HCN1: variants seen among roughly 807,000 people sequenced by gnomAD.
HCN1 encodes hyperpolarization activated cyclic nucleotide gated potassium channel 1, also known as potassium/sodium hyperpolarization-activated cyclic nucleotide-gated channel 1.
A neutral mutation model predicts 78.9 loss-of-function variants in HCN1; 13 were observed. That is an observed-to-expected ratio of 0.16 (90% CI 0.11 to 0.26). The LOEUF (loss-of-function observed/expected upper bound fraction) is 0.26. HCN1 is among the 10% of genes least tolerant of loss of function. HCN1 has a pLI of 1.00. For missense variants in HCN1, 810 were observed against 1,154.3 expected, an observed-to-expected ratio of 0.70 and a Z score of 4.32; for synonymous variants, 552 against 455.5, an observed-to-expected ratio of 1.21 and a Z score of -2.70.
At chr5:45,488,272 T>A (rs1741809566) in intron 2 of HCN1, among the ~76,000 whole-genome samples, 1 of 152,174 alleles carries the variant, frequency 6.6e-6, no homozygotes, top group Non-Finnish European at 1.5e-5. Flanking sequence ...TTATGTAATT[T>A]ACTTTTGATT....
intron 1 of HCN1, among the ~76,000 whole-genome samples, chr5:45,651,591 C>G (rs1745677024): frequency 6.6e-6 from 1 of 151,908 alleles, no homozygotes; most frequent in African/African-American, 2.4e-5. Context: ...AAAACTGATT[C>G]AATTTTTAAA....
chr5:45,631,620 G>T (rs1000626684), intron 2 of HCN1, among the ~76,000 whole-genome samples: 1 of 152,046 alleles, frequency 6.6e-6, no homozygotes, highest in African/African-American at 2.4e-5. Flanking sequence ...ACATACTGGA[G>T]CATGTGGATC....
At chr5:45,536,622 A>G (rs941473724) in intron 2 of HCN1, among the ~76,000 whole-genome samples, 7 of 152,090 alleles carry the variant, frequency 4.6e-5, no homozygotes, top group Non-Finnish European at 8.8e-5. Context: ...TCACTTCTCT[A>G]ACATTCTTGT....
intron 3 of HCN1, among the ~76,000 whole-genome samples, chr5:45,400,394 CTT>C (rs541820226): frequency 2.1e-3 from 241 of 112,970 alleles, no homozygotes; most frequent in African/African-American, 7.9e-3. Flanking sequence ...ATTAAAAATG[CTT>C]TTTTTTTTTT....
At chr5:45,278,203 T>G (rs1745101681) in intron 6 of HCN1, among the ~76,000 whole-genome samples, 1 of 152,126 alleles carries the variant, frequency 6.6e-6, no homozygotes, top group Non-Finnish European at 1.5e-5. Context: ...GTTAAGAGCC[T>G]CTACCTTTTC....
intron 2 of HCN1, among the ~76,000 whole-genome samples, chr5:45,525,947 G>T (rs1039820942): frequency 6.6e-6 from 1 of 151,932 alleles, no homozygotes; most frequent in African/African-American, 2.4e-5. Flanking sequence ...TATAAGAAAA[G>T]AAGGAGAGCT....
intron 4 of HCN1, among the ~76,000 whole-genome samples, chr5:45,372,737 A>G (rs1277754717): frequency 7.0e-6 from 1 of 143,304 alleles, no homozygotes; most frequent in Non-Finnish European, 1.5e-5. Flanking sequence ...GTATTTATAT[A>G]AAAATATATA....
intron 2 of HCN1, among the ~76,000 whole-genome samples, chr5:45,593,943 T>G (rs1744437049): frequency 6.6e-6 from 1 of 152,126 alleles, no homozygotes; most frequent in South Asian, 2.1e-4. Context: ...CCCAAAGTGC[T>G]GGGATTACAG....
chr5:45,627,950 T>C (rs1745199670), intron 2 of HCN1, among the ~76,000 whole-genome samples: 1 of 152,224 alleles, frequency 6.6e-6, no homozygotes, highest in South Asian at 2.1e-4. Flanking sequence ...CTTAGTTTCT[T>C]TGTGAAATTT....
At chr5:45,417,215 T>C (rs1740135879) in intron 3 of HCN1, among the ~76,000 whole-genome samples, 1 of 152,012 alleles carries the variant, frequency 6.6e-6, no homozygotes, top group Non-Finnish European at 1.5e-5. Context: ...GTTGACATTT[T>C]TTTTGTCTCT....
intron 3 of HCN1, among the ~76,000 whole-genome samples, chr5:45,460,860 T>A (rs2111624278): frequency 6.6e-6 from 1 of 151,594 alleles, no homozygotes. Flanking sequence ...TAATCTTTGG[T>A]GTCCATGTAA....
intron 5 of HCN1, among the ~76,000 whole-genome samples, chr5:45,314,949 C>T (rs1182294896): frequency 6.6e-6 from 1 of 152,012 alleles, no homozygotes; most frequent in Non-Finnish European, 1.5e-5. Flanking sequence ...ACCTAGACTC[C>T]CAAACAATAA....
chr5:45,441,270 T>C (rs116501791), intron 3 of HCN1, among the ~76,000 whole-genome samples: 175 of 152,266 alleles, frequency 1.1e-3, no homozygotes, highest in Non-Finnish European at 1.9e-3. Context: ...GGAAAAGACT[T>C]TGTTTTATTA....
In HCN1 at chr5:45,262,265, T is replaced by C. The variant is rs1307516754; in HGVS notation, c.2329A>G (p.Thr777Ala). Reference protein sequence around the residue: ...VHKSTQALHNTNLTREVRPLS... With the variant: ...VHKSTQALHNANLTREVRPLS... Reference sequence around the variant, plus strand: ...GGCCTGACTTCCCGGGTCAGGTTGGTGTTGTGAAGCGCCTGCGTGCTCTTG... The same window carrying C: ...GGCCTGACTTCCCGGGTCAGGTTGGCGTTGTGAAGCGCCTGCGTGCTCTTG... The change falls in exon 8 of 8, where the codon ACC becomes GCC. Residue 777 changes from threonine (T) to alanine (A), a missense_variant. Thr to Ala is a moderately conservative substitution (Grantham distance 58). Coordinates refer to ENST00000303230, the MANE Select transcript of HCN1 (RefSeq NM_021072.4). 1 of 1,613,818 alleles carries C rather than the reference T, an allele frequency of 6.2e-7. No homozygotes were observed. Among genetic ancestry groups the C allele is most frequent in the Admixed American group, 1.7e-5 (1 of 60,004 alleles).
In HCN1 at chr5:45,425,341, AT is replaced by A. The variant is rs1479822792; in HGVS notation, c.1012-28632del. 3.3e-5 allele frequency among the ~76,000 whole-genome samples: 5 copies of A among 152,346 alleles called. No individual in the cohort carries two copies. In the East Asian group the frequency reaches 9.6e-4, roughly 29 times the overall value. ...TACCAAGAAATTCATTTATTTGATC[AT>A]TTGATAAACTCAAAAATCATTCATT... On this transcript the variant is annotated intron_variant, in intron 3 of 7. Transcript: ENST00000303230.
chr5:45,578,130 C>T (rs972457583), intron 2 of HCN1, among the ~76,000 whole-genome samples: 2 of 152,104 alleles, frequency 1.3e-5, no homozygotes, highest in African/African-American at 4.8e-5. Context: ...GTTGCCATTG[C>T]TAATGTTTAC....
At position 45,260,022 on chromosome 5, in the gene HCN1, C is replaced by T. The variant is rs1178962778; in HGVS notation, c.*1899G>A. 1 of 152,530 alleles carries T rather than the reference C, an allele frequency of 6.6e-6. No individual in the cohort carries two copies. The highest frequency in any genetic ancestry group is 1.5e-5 in the Non-Finnish European group (1 of 68,016). 9.4% of individuals were successfully genotyped at this position (152,530 alleles called of 1,614,324 possible). A position where few individuals can be genotyped will look rare whatever the true frequency, so the allele number is the denominator to read the frequency against. Reference sequence around the variant, plus strand: ...CGACTAGCAGTTAATTACTTCCACACCAGTTGGGATTTGTTTGAAATTAAA... The same window carrying T: ...CGACTAGCAGTTAATTACTTCCACATCAGTTGGGATTTGTTTGAAATTAAA... On this transcript the variant is annotated 3_prime_UTR_variant, in exon 8 of 8. Coordinates refer to ENST00000303230, the MANE Select transcript of HCN1 (RefSeq NM_021072.4).
intron 2 of HCN1, chr5:45,644,886 A>G: frequency 2.4e-6 from 1 of 419,494 alleles, no homozygotes; most frequent in Non-Finnish European, 4.2e-6. Flanking sequence ...AAAAAAACCA[A>G]GGTGGGAAAG....
chr5:45,651,206 A>G (rs1745670239), intron 1 of HCN1, among the ~76,000 whole-genome samples: 1 of 152,114 alleles, frequency 6.6e-6, no homozygotes, highest in Admixed American at 6.6e-5. Context: ...CACACTTAAG[A>G]TTCACTTCTA....
Sources: gnomAD v4.1 joint callset for allele counts (sites outside exome capture counted in the v4.1 genomes callset) on GRCh38, gnomAD v4.1.1 for gene constraint, MANE v1.5 for transcripts, NCBI Gene and HGNC (gene_info 2026-07-23, HGNC 2026-07-21) for gene names.